EPHA6: variants seen among roughly 807,000 people sequenced by gnomAD.
EPHA6 encodes the protein EPH receptor A6.
EPHA6 carries 50 observed loss-of-function variants against 112.0 expected under a neutral mutation model. The ratio of observed to expected loss-of-function variants is 0.45; its 90% CI spans 0.36 to 0.56. The LOEUF (loss-of-function observed/expected upper bound fraction) is 0.56. Among genes scored for constraint, EPHA6 ranks in the 20% least tolerant of loss-of-function variants. EPHA6 has a pLI of 0.00. For missense variants in EPHA6, 1,280 were observed against 1,417.4 expected (o/e 0.90, Z 1.56); for synonymous variants, 529 against 490.7 (o/e 1.08, Z -1.03).
At chr3:97,457,651 G>T (rs1451607059) in intron 7 of EPHA6, among the ~76,000 whole-genome samples, 1 of 152,056 alleles carries the variant, frequency 6.6e-6, no homozygotes, top group East Asian at 1.9e-4. Context: ...TTCTCAATTT[G>T]TATTAGCCCA....
rs188326904 is a variant in EPHA6, at chr3:96,861,723, C to T, written c.386-5102C>T. Among the ~76,000 whole-genome samples the T allele has an allele frequency of 6.4e-3, 977 of 151,924 alleles. 7 individuals are homozygous for T. The highest frequency in any genetic ancestry group is 0.021 in the African/African-American group (885 of 41,510). ...AAAACATGGAAACAAGCAAAAACCA[C>T]AAAAAATAAGAATAACCACCACAAC... On this transcript the variant is annotated intron_variant, in intron 1 of 17. Transcript: ENST00000389672.
At chr3:97,506,265 C>A (rs931075814) in intron 10 of EPHA6, among the ~76,000 whole-genome samples, 1 of 152,098 alleles carries the variant, frequency 6.6e-6, no homozygotes, top group African/African-American at 2.4e-5. Context: ...TGCATGCCCA[C>A]GTCCTGAATG....
intron 8 of EPHA6, among the ~76,000 whole-genome samples, 172 bp downstream of exon 8, chr3:97,475,632 T>C (rs1427818573): frequency 6.6e-6 from 1 of 152,156 alleles, no homozygotes; most frequent in Non-Finnish European, 1.5e-5. Flanking sequence ...AACAGGTCCC[T>C]GAATATGGAA....
intron 7 of EPHA6, among the ~76,000 whole-genome samples, chr3:97,474,668 G>T (rs1019086674): frequency 2.0e-5 from 3 of 151,942 alleles, no homozygotes; most frequent in Non-Finnish European, 2.9e-5. Flanking sequence ...ATTCCCAGAA[G>T]ATTAGTAAAA....
chr3:97,187,181 A>G (rs2077162815), intron 3 of EPHA6, among the ~76,000 whole-genome samples: 1 of 152,112 alleles, frequency 6.6e-6, no homozygotes. Flanking sequence ...TTCTGTACAT[A>G]CAGATTTAAG....
rs547768620 is a variant in EPHA6 at position 97,129,264 on chromosome 3, C to T, written c.1115-97000C>T. ...CCTGTAATCCCAGCACTTTGGGAGG[C>T]GGAGGTGGGCAGATCACGAGATCAG... is the stretch of plus-strand genomic sequence containing the variant. On this transcript the variant is annotated intron_variant, in intron 3 of 17. Coordinates refer to ENST00000389672, the MANE Select transcript of EPHA6 (RefSeq NM_001080448.3). Among the ~76,000 whole-genome samples, 11 of 151,974 alleles carry T rather than the reference C, an allele frequency of 7.2e-5. No individual in the cohort carries two copies. In the East Asian group the frequency reaches 1.2e-3, roughly 16 times the overall value.
intron 1 of EPHA6, among the ~76,000 whole-genome samples, chr3:96,823,738 A>C (rs997490357): frequency 4.0e-5 from 6 of 151,834 alleles, no homozygotes; most frequent in African/African-American, 1.4e-4. Context: ...AAAGACTGGA[A>C]TATCTTGGAA....
At position 97,061,366 on chromosome 3, in the gene EPHA6, T is replaced by G. The variant is rs142218838; in HGVS notation, c.1114+73373T>G. The stretch of plus-strand genomic sequence containing the variant: ...TGAACTGGAGAGCCAGGTGAAGGTG[T>G]TACTGCCAGAGAAAGTGGTCATATC... On this transcript the variant is annotated intron_variant, in intron 3 of 17. Coordinates refer to ENST00000389672, the MANE Select transcript of EPHA6 (RefSeq NM_001080448.3). Among the ~76,000 whole-genome samples the G allele has an allele frequency of 1.6e-3, 241 of 152,218 alleles. 1 individual carries two copies. The highest frequency in any genetic ancestry group is 5.4e-3 in the African/African-American group (225 of 41,540).
intron 5 of EPHA6, among the ~76,000 whole-genome samples, chr3:97,345,655 A>T (rs1450366072): frequency 1.3e-5 from 2 of 152,112 alleles, no homozygotes; most frequent in East Asian, 3.8e-4. Flanking sequence ...TTTTTAAGAG[A>T]AGGTATTGGA....
At chr3:97,203,273 A>T (rs528555575) in intron 3 of EPHA6, among the ~76,000 whole-genome samples, 1 of 152,210 alleles carries the variant, frequency 6.6e-6, no homozygotes, top group South Asian at 2.1e-4. Context: ...TCAAGCAAGA[A>T]ATCAAGGTAA....
At chr3:97,647,363 G>A (rs1006420812) in intron 14 of EPHA6, among the ~76,000 whole-genome samples, 1 of 152,132 alleles carries the variant, frequency 6.6e-6, no homozygotes, top group African/African-American at 2.4e-5. Context: ...AACAAGAGTT[G>A]TAGCAGAAGG....
Position 97,600,805 on chromosome 3 carries a change from T to TA in EPHA6, c.2512+8079dup, listed in dbSNP as rs111876263. On this transcript the variant is annotated intron_variant, in intron 12 of 17. Transcript: ENST00000389672. ...TCTTTATGTAAGACTAGCAGTGCAT[T>TA]AAAAAAAAAAAGCTACGTGATGCAT... Among the ~76,000 whole-genome samples the TA allele has an allele frequency of 9.0e-3, 1,303 of 144,966 alleles. 7 individuals carry two copies. Among genetic ancestry groups the TA allele is most frequent in the African/African-American group, 0.027 (1,074 of 39,988 alleles).
At chr3:97,743,601 A>G (rs536077427) in intron 16 of EPHA6, among the ~76,000 whole-genome samples, 5 of 152,256 alleles carry the variant, frequency 3.3e-5, no homozygotes, top group African/African-American at 9.6e-5. Flanking sequence ...CATGGGATAC[A>G]TTCATGAATA....
intron 5 of EPHA6, among the ~76,000 whole-genome samples, chr3:97,308,367 A>G (rs1443357037): frequency 6.6e-6 from 1 of 151,740 alleles, no homozygotes; most frequent in Non-Finnish European, 1.5e-5. Context: ...TACTCAACAT[A>G]GCAAGCAAGT....
intron 2 of EPHA6, among the ~76,000 whole-genome samples, chr3:96,981,839 C>A (rs1180817456): frequency 2.0e-5 from 3 of 152,126 alleles, no homozygotes; most frequent in East Asian, 3.9e-4. Flanking sequence ...AGTTTATTTG[C>A]ATAGAGGTGT....
At chr3:97,096,296 T>C (rs566775329) in intron 3 of EPHA6, among the ~76,000 whole-genome samples, 1 of 151,612 alleles carries the variant, frequency 6.6e-6, no homozygotes, top group South Asian at 2.1e-4. Context: ...CACACACATA[T>C]ATATACATGT....
At chr3:97,373,230 T>C (rs2108989561) in intron 5 of EPHA6, among the ~76,000 whole-genome samples, 1 of 152,300 alleles carries the variant, frequency 6.6e-6, no homozygotes, top group Non-Finnish European at 1.5e-5. Flanking sequence ...GAAGCAACTG[T>C]AATAAAATTA....
At chr3:97,633,073 T>C (rs534604595) in intron 13 of EPHA6, among the ~76,000 whole-genome samples, 6 of 152,194 alleles carry the variant, frequency 3.9e-5, no homozygotes, top group South Asian at 2.1e-4. Flanking sequence ...CGTGAAGTGA[T>C]TGGGTTACCA....
chr3:97,297,216 T>C lies in EPHA6; in HGVS notation c.1606+52929T>C, dbSNP rs866344963. 4.6e-3 allele frequency among the ~76,000 whole-genome samples: 702 copies of C among 152,296 alleles called. 3 individuals are homozygous for C. The highest frequency in any genetic ancestry group is 0.014 in the Middle Eastern group (4 of 294). On this transcript the variant is annotated intron_variant, in intron 5 of 17. Coordinates refer to ENST00000389672, the MANE Select transcript of EPHA6 (RefSeq NM_001080448.3). ...CACACACCGGGGAGCCACTCCTGGC[T>C]CCCAGCCAACACCAACTGAGTGAGC...
Sources: allele counts gnomAD v4.1 joint callset (sites outside exome capture counted in the v4.1 genomes callset), GRCh38; gene constraint gnomAD v4.1.1; transcripts MANE v1.5; gene names NCBI Gene and HGNC (gene_info 2026-07-23, HGNC 2026-07-21).